Variants in HTATIP2 observed in about 807,000 individuals in gnomAD.
The protein encoded by HTATIP2 is HIV-1 Tat interactive protein 2, also known as protein HTATIP2.
Under a neutral mutation model 24.7 loss-of-function variants are expected in HTATIP2, and 26 were observed. The ratio of observed to expected loss-of-function variants is 1.05; its 90% CI spans 0.77 to 1.46. HTATIP2 has a LOEUF of 1.46. Among genes scored for constraint, HTATIP2 ranks in the 40% most tolerant of loss-of-function variants. The pLI, the probability that HTATIP2 is intolerant of heterozygous loss-of-function variation, is 0.00. For missense variants in HTATIP2, 284 were observed against 289.6 expected (o/e 0.98, Z 0.14); for synonymous variants, 99 against 113.2 (o/e 0.87, Z 0.79).
chr11:20,364,363 C>T lies in HTATIP2; in HGVS notation c.126C>T (p.Gly42=). The T allele has an allele frequency of 1.9e-6, 3 of 1,613,522 alleles. No homozygotes were observed. Among genetic ancestry groups the T allele is most frequent in the Non-Finnish European group, 2.5e-6 (3 of 1,179,594 alleles). The change falls in exon 1 of 5, where the codon GGC becomes GGT. Residue 42 remains glycine (G), a synonymous_variant. Coordinates refer to ENST00000451739, the MANE Select transcript of HTATIP2 (RefSeq NM_001098522.2). ...RVLLKEILEQ[G]LFSKVTLIGR... ...TCTTAAAGGAAATCCTGGAGCAGGGCCTGTTTTCCAAAGTCACGCTCATTG... is the reference window on the plus strand; with the variant it reads ...TCTTAAAGGAAATCCTGGAGCAGGGTCTGTTTTCCAAAGTCACGCTCATTG...
intron 3 of HTATIP2, among the ~76,000 whole-genome samples, chr11:20,380,289 T>C (rs7934001): frequency 0.86 from 131,343 of 152,228 alleles, 57,555 homozygotes; most frequent in Non-Finnish European, 0.94. Context: ...GCCAAACTTG[T>C]AACAGGCCTT....
At chr11:20,380,531 G>A (rs1343336748) in intron 3 of HTATIP2, among the ~76,000 whole-genome samples, 1 of 152,056 alleles carries the variant, frequency 6.6e-6, no homozygotes, top group Non-Finnish European at 1.5e-5. Flanking sequence ...AATTAGCCGG[G>A]CGTGATGGCA....
At chr11:20,371,606 AT>A (rs60483876) in intron 2 of HTATIP2, among the ~76,000 whole-genome samples, 1 of 150,090 alleles carries the variant, frequency 6.7e-6, no homozygotes. Flanking sequence ...TAATTTTTGT[AT>A]TTTTTTTTGT....
chr11:20,370,363 G>A (rs192418149), intron 2 of HTATIP2, among the ~76,000 whole-genome samples: 1 of 152,298 alleles, frequency 6.6e-6, no homozygotes. Context: ...TATCAAAAGA[G>A]GGATTTGATT....
chr11:20,376,656 T>C lies in HTATIP2; in HGVS notation c.380T>C (p.Phe127Ser). 1 of 1,613,956 alleles carries C rather than the reference T, an allele frequency of 6.2e-7. No individual in the cohort carries two copies. The change falls in exon 3 of 5, where the codon TTC (phenylalanine) becomes TCC (serine). Residue 127 changes from phenylalanine (F) to serine (S), a missense_variant. By Grantham distance (155) the Phe-to-Ser change is radical. Transcript: ENST00000451739. Reference protein sequence around the residue: ...ELAKAGGCKHFNLLSSKGADK... With the variant: ...ELAKAGGCKHSNLLSSKGADK... The stretch of plus-strand genomic sequence containing the variant: ...GCAAAAGCTGGAGGGTGCAAACATT[T>C]CAACTTGCTATCCTCTAAAGGAGCT...
chr11:20,363,897 C>A lies in HTATIP2; in HGVS notation c.-341C>A. Reference sequence around the variant, plus strand: ...CTGCTGCGTCGTGAGGACCCGGGGCCGGGGGCTGGCCCCAGGTAACCCCTC... The same window carrying A: ...CTGCTGCGTCGTGAGGACCCGGGGCAGGGGGCTGGCCCCAGGTAACCCCTC... On this transcript the variant is annotated 5_prime_UTR_variant, in exon 1 of 5. Coordinates refer to ENST00000451739, the MANE Select transcript of HTATIP2 (RefSeq NM_001098522.2). 8.0e-7 allele frequency: 1 copy of A among 1,242,772 alleles called. No homozygotes were observed. The allele number at this position is 1,242,772 out of a possible 1,614,324, so 77.0% of individuals were successfully genotyped here.
At chr11:20,370,000 C>T (rs1006613665) in intron 2 of HTATIP2, among the ~76,000 whole-genome samples, 1 of 152,182 alleles carries the variant, frequency 6.6e-6, no homozygotes, top group Admixed American at 6.5e-5. Flanking sequence ...CACAGTTGTT[C>T]AGTCAATGCA....
intron 2 of HTATIP2, among the ~76,000 whole-genome samples, chr11:20,368,435 A>G (rs1332569120): frequency 6.6e-6 from 1 of 152,204 alleles, no homozygotes; most frequent in African/African-American, 2.4e-5. Flanking sequence ...CTGTCCTGGA[A>G]CACAGCTGGG....
chr11:20,368,675 C>G (rs1215355549), intron 2 of HTATIP2, among the ~76,000 whole-genome samples: 1 of 152,136 alleles, frequency 6.6e-6, no homozygotes, highest in East Asian at 1.9e-4. Context: ...GGTGAGTCAG[C>G]AAAACAAAAT....
chr11:20,381,586 C>T (rs1161266151), intron 3 of HTATIP2, among the ~76,000 whole-genome samples: 1 of 152,106 alleles, frequency 6.6e-6, no homozygotes, highest in Non-Finnish European at 1.5e-5. Flanking sequence ...AGGAGGCGTG[C>T]ATGACCGTGT....
chr11:20,365,280 C>T (rs904560101), intron 1 of HTATIP2, among the ~76,000 whole-genome samples: 1 of 152,162 alleles, frequency 6.6e-6, no homozygotes, highest in Non-Finnish European at 1.5e-5. Context: ...TGAGCCACCG[C>T]GCCCAGCCTA....
chr11:20,376,673 A>G lies in HTATIP2; in HGVS notation c.397A>G (p.Lys133Glu). The G allele has an allele frequency of 3.1e-6, 5 of 1,612,668 alleles. No homozygotes were observed. The highest frequency in any genetic ancestry group is 4.2e-6 in the Non-Finnish European group (5 of 1,179,456). Residue 133 changes from lysine (K) to glutamate (E), a missense_variant, in exon 3 of 5, where the codon AAA (lysine) becomes GAA (glutamate). Coordinates refer to ENST00000451739, the MANE Select transcript of HTATIP2 (RefSeq NM_001098522.2). ...GCKHFNLLSS[K>E]GADKSSNFLY... Reference sequence around the variant, plus strand: ...CAAACATTTCAACTTGCTATCCTCTAAAGGAGCTGATAAATCAAGCAATTT... The same window carrying G: ...CAAACATTTCAACTTGCTATCCTCTGAAGGAGCTGATAAATCAAGCAATTT...
chr11:20,377,147 A>G (rs1297554578), intron 3 of HTATIP2, among the ~76,000 whole-genome samples: 5 of 143,154 alleles, frequency 3.5e-5, no homozygotes, highest in Admixed American at 2.8e-4. Flanking sequence ...TTTTTTTGAG[A>G]CAGGTTCCCA....
Position 20,382,185 on chromosome 11 carries a change from T to G in HTATIP2, c.449T>G (p.Val150Gly), listed in dbSNP as rs1341790645. 6.3e-7 allele frequency: 1 copy of G among 1,587,740 alleles called. No homozygotes were observed. The highest frequency in any genetic ancestry group is 1.7e-5 in the Admixed American group (1 of 59,960). Reference protein sequence around the residue: ...NFLYLQVKGEVEAKVEELKFD... With the variant: ...NFLYLQVKGEGEAKVEELKFD... ...TGTGTTTTTTCTTAATAGGGAGAAG[T>G]AGAAGCCAAGGTTGAAGAATTAAAA... Residue 150 changes from valine to glycine, a missense_variant, in exon 4 of 5, where the codon GTA becomes GGA. Physicochemically the swap from Val to Gly is moderately radical, Grantham distance 109 (BLOSUM62 -3). Transcript: ENST00000451739.
intron 2 of HTATIP2, among the ~76,000 whole-genome samples, chr11:20,367,826 T>A (rs1371241554): frequency 6.6e-6 from 1 of 152,244 alleles, no homozygotes; most frequent in African/African-American, 2.4e-5. Flanking sequence ...CGCAAAAGTC[T>A]TTTAACGCAC....
At position 20,382,545 on chromosome 11, in the gene HTATIP2, A is replaced by G. The variant is rs538576353; in HGVS notation, c.503+306A>G. Reference sequence around the variant, plus strand: ...GCTTGGGTTGCCATAACAGAATACCACACAGATTGGGTGTCTTAAACAACA... The same window carrying G: ...GCTTGGGTTGCCATAACAGAATACCGCACAGATTGGGTGTCTTAAACAACA... On this transcript the variant is annotated intron_variant, in intron 4 of 4. Transcript: ENST00000451739. 3.3e-5 allele frequency among the ~76,000 whole-genome samples: 5 copies of G among 152,306 alleles called. No individual in the cohort carries two copies. The South Asian group carries it at 1.0e-3, about 32-fold the overall frequency.
At chr11:20,375,779 C>T (rs1208766644) in intron 2 of HTATIP2, among the ~76,000 whole-genome samples, 1 of 152,162 alleles carries the variant, frequency 6.6e-6, no homozygotes, top group Non-Finnish European at 1.5e-5. Context: ...GGTAAAGGTG[C>T]ATGCTTTTCA....
At chr11:20,382,065 G>A (rs1592323119) in intron 3 of HTATIP2, 113 bp from the exon 4 acceptor site, 3 of 639,010 alleles carry the variant, frequency 4.7e-6, no homozygotes, top group East Asian at 2.8e-5. Context: ...GATATTTTGA[G>A]TATTGAGATC....
Position 20,383,296 on chromosome 11 carries a change from C to A in HTATIP2, c.*91C>A. The A allele has an allele frequency of 2.1e-6, 2 of 961,788 alleles. No individual in the cohort carries two copies. The highest frequency in any genetic ancestry group is 1.6e-5 in the South Asian group (1 of 62,500). 59.6% of individuals were successfully genotyped at this position (961,788 alleles called of 1,614,324 possible). ...TCTAAAAAAAGTCAGCATGTTTTAA[C>A]TTTGTTGTTTTACTATCCTCAGGCA... On this transcript the variant is annotated 3_prime_UTR_variant, in exon 5 of 5. Transcript: ENST00000451739.
Sources: gnomAD v4.1 joint callset for allele counts (sites outside exome capture counted in the v4.1 genomes callset) on GRCh38, gnomAD v4.1.1 for gene constraint, MANE v1.5 for transcripts, NCBI Gene and HGNC (gene_info 2026-07-23, HGNC 2026-07-21) for gene names.